The following SDK1 variants were observed in gnomAD, a reference collection of about 807,000 sequenced individuals.
SDK1 encodes the protein sidekick cell adhesion molecule 1.
Under a neutral mutation model 245.5 loss-of-function variants are expected in SDK1, and 157 were observed. The ratio of observed to expected loss-of-function variants is 0.64; its 90% CI spans 0.56 to 0.73. SDK1 has a LOEUF of 0.73. Among genes scored for constraint, SDK1 ranks in the 30% least tolerant of loss-of-function variants. SDK1 has a pLI of 0.00. For missense variants in SDK1, 3,583 were observed against 3,002.3 expected, an observed-to-expected ratio of 1.19 and a Z score of -4.52; for synonymous variants, 1,647 against 1,278.5, an observed-to-expected ratio of 1.29 and a Z score of -6.15.
chr7:3,858,423 T>C (rs1195853214), intron 5 of SDK1, among the ~76,000 whole-genome samples: 1 of 152,028 alleles, frequency 6.6e-6, no homozygotes, highest in Non-Finnish European at 1.5e-5. Flanking sequence ...TTATATATTT[T>C]ATTACTACAT....
chr7:4,247,674 T>C (rs1786981944), intron 44 of SDK1, among the ~76,000 whole-genome samples: 1 of 152,214 alleles, frequency 6.6e-6, no homozygotes, highest in African/African-American at 2.4e-5. Flanking sequence ...GGGTGGTTCC[T>C]GTGTGCTGAG....
At chr7:3,886,161 G>C (rs879879271) in intron 5 of SDK1, among the ~76,000 whole-genome samples, 1 of 152,216 alleles carries the variant, frequency 6.6e-6, no homozygotes, top group Non-Finnish European at 1.5e-5. Context: ...CTACGTCAGG[G>C]ATGAAGGATG....
At chr7:3,878,581 C>G (rs1408213071) in intron 5 of SDK1, among the ~76,000 whole-genome samples, 1 of 152,190 alleles carries the variant, frequency 6.6e-6, no homozygotes, top group African/African-American at 2.4e-5. Context: ...ACGAAGTTCT[C>G]TTGTCATGAC....
chr7:3,395,438 A>G (rs1296843055), intron 1 of SDK1, among the ~76,000 whole-genome samples: 1 of 151,792 alleles, frequency 6.6e-6, no homozygotes, highest in Non-Finnish European at 1.5e-5. Flanking sequence ...CTTTCTGGTA[A>G]TAATTTGTCT....
intron 13 of SDK1, among the ~76,000 whole-genome samples, chr7:3,986,602 T>C (rs1783848712): frequency 6.6e-6 from 1 of 152,252 alleles, no homozygotes; most frequent in Non-Finnish European, 1.5e-5. Context: ...GGCTCACGCC[T>C]GTAATCCCAG....
intron 5 of SDK1, among the ~76,000 whole-genome samples, chr7:3,902,103 T>C (rs1781810723): frequency 6.6e-6 from 1 of 152,232 alleles, no homozygotes; most frequent in Admixed American, 6.5e-5. Context: ...GAGTGCAATA[T>C]GATATTTACG....
chr7:3,314,238 G>A (rs1779613082), intron 1 of SDK1, among the ~76,000 whole-genome samples: 1 of 152,316 alleles, frequency 6.6e-6, no homozygotes, highest in South Asian at 2.1e-4. Flanking sequence ...AAGGATTCAG[G>A]TGGAAAGCTG....
In SDK1 at chr7:3,947,529, C is replaced by CT. The variant is rs1357625082; in HGVS notation, c.848-3392dup. Among the ~76,000 whole-genome samples, 9 of 73,732 alleles carry CT rather than the reference C, an allele frequency of 1.2e-4. No homozygotes were observed. In the South Asian group the frequency reaches 2.3e-3, roughly 19 times the overall value. The allele number at this position is 73,732 out of a possible 152,430, so 48.4% of individuals were successfully genotyped here. A position where few individuals can be genotyped will look rare whatever the true frequency, so the allele number is the denominator to read the frequency against. On this transcript the variant is annotated intron_variant, in intron 5 of 44. Coordinates refer to ENST00000404826, the MANE Select transcript of SDK1 (RefSeq NM_152744.4). ...CTTTCCTTTTAAAAAGAAGTATTTG[C>CT]TTGTGTGTGTGTGTGTGTGTGTGTG...
intron 35 of SDK1, among the ~76,000 whole-genome samples, chr7:4,183,415 C>T (rs185506085): frequency 9.7e-4 from 148 of 151,992 alleles, no homozygotes; most frequent in Admixed American, 1.6e-3. Context: ...GTGGGTGGAT[C>T]GCGAAGTCAG....
chr7:3,814,478 G>T (rs1485243413), intron 4 of SDK1, among the ~76,000 whole-genome samples: 1 of 151,862 alleles, frequency 6.6e-6, no homozygotes, highest in Non-Finnish European at 1.5e-5. Context: ...CTGTATCTCT[G>T]TTTTGGTACC....
At chr7:3,951,583 A>G in intron 6 of SDK1, 147 bp from the exon 7 acceptor site, 1 of 648,894 alleles carries the variant, frequency 1.5e-6, no homozygotes, top group Middle Eastern at 3.0e-4. Flanking sequence ...AGTTACATCT[A>G]GATTGAGTTT....
At chr7:3,722,021 C>G (rs1778826835) in intron 4 of SDK1, among the ~76,000 whole-genome samples, 2 of 152,094 alleles carry the variant, frequency 1.3e-5, no homozygotes, top group Admixed American at 1.3e-4. Context: ...TCACTGCAGC[C>G]TTGACCTCTT....
At chr7:4,212,978 C>G (rs1465237577) in intron 38 of SDK1, among the ~76,000 whole-genome samples, 2 of 152,272 alleles carry the variant, frequency 1.3e-5, no homozygotes, top group East Asian at 1.9e-4. Context: ...GGCTGCTGCT[C>G]TTAGTCTTGT....
chr7:3,633,353 G>A (rs1023515982), intron 2 of SDK1, among the ~76,000 whole-genome samples: 2 of 152,100 alleles, frequency 1.3e-5, no homozygotes, highest in Non-Finnish European at 2.9e-5. Context: ...AAGTATAAAT[G>A]TTCTCCTCTG....
In SDK1 at chr7:3,725,166, G is replaced by C. The variant is rs376951192; in HGVS notation, c.713+83061G>C. Among the ~76,000 whole-genome samples, 5 of 152,192 alleles carry C rather than the reference G, an allele frequency of 3.3e-5. No homozygotes were observed. The South Asian group carries it at 6.2e-4, about 19-fold the overall frequency. ...AATAGAGTTCAGTTAAGAAGGAATTGCTAGGGACTTTCTTGCTAGAAGAAA... is the reference window on the plus strand; with the variant it reads ...AATAGAGTTCAGTTAAGAAGGAATTCCTAGGGACTTTCTTGCTAGAAGAAA... On this transcript the variant is annotated intron_variant, in intron 4 of 44. Coordinates refer to ENST00000404826, the MANE Select transcript of SDK1 (RefSeq NM_152744.4).
chr7:3,998,183 C>T (rs996549814), intron 14 of SDK1, among the ~76,000 whole-genome samples: 5 of 152,192 alleles, frequency 3.3e-5, no homozygotes, highest in Admixed American at 6.5e-5. Context: ...GCATCTGCAG[C>T]GGCACCCCGG....
At chr7:3,986,037 C>G (rs1783804856) in intron 13 of SDK1, among the ~76,000 whole-genome samples, 1 of 152,028 alleles carries the variant, frequency 6.6e-6, no homozygotes, top group Non-Finnish European at 1.5e-5. Flanking sequence ...GGGCAGCCAT[C>G]CAGGACAGCC....
chr7:3,704,138 G>A lies in SDK1; in HGVS notation c.713+62033G>A, dbSNP rs974562999. ...CTTCCACTTATAAGTGAGAACATAT[G>A]GTATTTAGTTTTCTATTCCTGAGTT... On this transcript the variant is annotated intron_variant, in intron 4 of 44. Transcript: ENST00000404826. Among the ~76,000 whole-genome samples, 4 of 151,968 alleles carry A rather than the reference G, an allele frequency of 2.6e-5. No homozygotes were observed. In the East Asian group the frequency reaches 7.7e-4, roughly 29 times the overall value.
intron 5 of SDK1, among the ~76,000 whole-genome samples, chr7:3,903,288 T>C (rs926711492): frequency 1.3e-5 from 2 of 151,846 alleles, no homozygotes; most frequent in Non-Finnish European, 2.9e-5. Flanking sequence ...GGACTACAGG[T>C]GCCCGCCACC....
Sources: gnomAD v4.1 joint callset for allele counts (sites outside exome capture counted in the v4.1 genomes callset) on GRCh38, gnomAD v4.1.1 for gene constraint, MANE v1.5 for transcripts, NCBI Gene and HGNC (gene_info 2026-07-23, HGNC 2026-07-21) for gene names.